The following PRDM5 variants were observed in gnomAD, a reference collection of about 807,000 sequenced individuals.
PRDM5 encodes the protein PR domain zinc finger protein 5.
PRDM5 carries 56 observed loss-of-function variants against 81.2 expected under a neutral mutation model. The observed-to-expected ratio is 0.69, with a 90% CI of 0.56 to 0.86. The LOEUF (loss-of-function observed/expected upper bound fraction) is 0.86. Among genes scored for constraint, PRDM5 ranks in the 40% least tolerant of loss-of-function variants. The pLI is 0.00. For synonymous variants in PRDM5, 267 were observed against 256.4 expected (o/e 1.04, Z -0.39); for missense variants, 697 against 770.1 (o/e 0.91, Z 1.12).
At chr4:120,733,953 G>A (rs765070413) in intron 14 of PRDM5, among the ~76,000 whole-genome samples, 14 of 151,334 alleles carry the variant, frequency 9.3e-5, no homozygotes, top group Non-Finnish European at 1.9e-4. Flanking sequence ...AAAGTATGCC[G>A]ATGGCAGAGG....
chr4:120,702,994 C>G (rs190329420), intron 15 of PRDM5, among the ~76,000 whole-genome samples: 1 of 152,158 alleles, frequency 6.6e-6, no homozygotes, highest in Non-Finnish European at 1.5e-5. Flanking sequence ...CTCCACCAGC[C>G]TTCTCTTTCC....
At chr4:120,851,298 T>G (rs1578985935) in intron 3 of PRDM5, among the ~76,000 whole-genome samples, 1 of 152,072 alleles carries the variant, frequency 6.6e-6, no homozygotes, top group East Asian at 1.9e-4. Flanking sequence ...TTAAGGTAAA[T>G]TCATGGCTCT....
At chr4:120,821,473 T>C (rs1755266130) in intron 3 of PRDM5, 128 bp from the exon 4 acceptor site, 1 of 871,212 alleles carries the variant, frequency 1.1e-6, no homozygotes, top group African/African-American at 1.7e-5. Flanking sequence ...TATTTCTAGT[T>C]GATCTGGGTG....
In PRDM5 at chr4:120,732,992, T is replaced by C. The variant is rs141187198; in HGVS notation, c.1623+21561A>G. ...CATTGTATTTTGTTCTAGCTAGTAA[T>C]AGCAAATACCTACAGCCTTAGCAAT... On this transcript the variant is annotated intron_variant, in intron 14 of 15. Coordinates refer to ENST00000264808, the MANE Select transcript of PRDM5 (RefSeq NM_018699.4). 1.7e-3 allele frequency among the ~76,000 whole-genome samples: 256 copies of C among 152,332 alleles called. 1 individual carries two copies. Among genetic ancestry groups the C allele is most frequent in the South Asian group, 0.011 (51 of 4,830 alleles).
At chr4:120,850,827 A>C (rs1190421758) in intron 3 of PRDM5, among the ~76,000 whole-genome samples, 1 of 152,172 alleles carries the variant, frequency 6.6e-6, no homozygotes, top group African/African-American at 2.4e-5. Context: ...ATAGAGGAAG[A>C]AAAGTACTGC....
intron 14 of PRDM5, among the ~76,000 whole-genome samples, chr4:120,738,262 C>T (rs1741405792): frequency 6.6e-6 from 1 of 152,138 alleles, no homozygotes; most frequent in African/African-American, 2.4e-5. Flanking sequence ...ATTCTGATTA[C>T]AGTAGTACTG....
intron 14 of PRDM5, among the ~76,000 whole-genome samples, chr4:120,740,027 A>C (rs1250572557): frequency 6.6e-6 from 1 of 152,150 alleles, no homozygotes; most frequent in Non-Finnish European, 1.5e-5. Context: ...TACAAAAGAA[A>C]ATGCCTTATT....
rs1197354315 is a variant in PRDM5, at chr4:120,816,520, A to G, written c.798T>C (p.Ala266=). ...TCTTCAGCCTCTTTCCACAGCTGTC[A>G]GCCTTGCACACAAACCTGGCATCCC... is the stretch of plus-strand genomic sequence containing the variant. ...CRGDARFVCK[A]DSCGKRLKSK... The change falls in exon 7 of 16, where the codon GCT becomes GCC. Residue 266 remains alanine, a synonymous_variant. Coordinates refer to ENST00000264808, the MANE Select transcript of PRDM5 (RefSeq NM_018699.4). 1 of 1,614,166 alleles carries G rather than the reference A, an allele frequency of 6.2e-7. No homozygotes were observed. Among genetic ancestry groups the G allele is most frequent in the Non-Finnish European group, 8.5e-7 (1 of 1,180,034 alleles).
chr4:120,783,607 C>A (rs1749350387), intron 11 of PRDM5, among the ~76,000 whole-genome samples: 1 of 152,108 alleles, frequency 6.6e-6, no homozygotes, highest in African/African-American at 2.4e-5. Flanking sequence ...TTCTAACATT[C>A]ATTCATCTCA....
At chr4:120,754,714 A>C (rs1028898507) in intron 13 of PRDM5, 76 bp from the exon 14 acceptor site, 2 of 1,043,924 alleles carry the variant, frequency 1.9e-6, no homozygotes, top group Non-Finnish European at 1.5e-6. Flanking sequence ...CTTCTCACAC[A>C]CTCAGATCCT....
intron 1 of PRDM5, among the ~76,000 whole-genome samples, chr4:120,909,261 A>G (rs1418693720): frequency 6.6e-6 from 1 of 152,168 alleles, no homozygotes; most frequent in Admixed American, 6.5e-5. Flanking sequence ...AGACAGCTGC[A>G]TGGTCCACTG....
intron 7 of PRDM5, 42 bp downstream of exon 7, chr4:120,816,411 A>T (rs1341908854): frequency 1.2e-6 from 2 of 1,613,914 alleles, no homozygotes; most frequent in East Asian, 4.5e-5. Context: ...CAGCCTGGGG[A>T]AAGGAAGCCC....
chr4:120,823,899 C>T (rs1478631294), intron 3 of PRDM5, among the ~76,000 whole-genome samples: 2 of 152,164 alleles, frequency 1.3e-5, no homozygotes, highest in South Asian at 2.1e-4. Flanking sequence ...GGCTTAGTGC[C>T]GTTCTCAGTA....
At chr4:120,723,327 A>G (rs1267470385) in intron 14 of PRDM5, among the ~76,000 whole-genome samples, 1 of 152,240 alleles carries the variant, frequency 6.6e-6, no homozygotes, top group Non-Finnish European at 1.5e-5. Flanking sequence ...GAATTCTGAG[A>G]ACAACGTACT....
chr4:120,782,842 T>C (rs1266911645), intron 11 of PRDM5, among the ~76,000 whole-genome samples: 2 of 152,130 alleles, frequency 1.3e-5, no homozygotes, highest in Non-Finnish European at 2.9e-5. Context: ...AGATTGTTCC[T>C]ATCAAAGCAT....
In PRDM5 at chr4:120,799,846, T is replaced by A. The variant is rs72921557; in HGVS notation, c.946-101A>T. On this transcript the variant is annotated intron_variant, in intron 8 of 15. Transcript: ENST00000264808. ...AACATGTGAACAGCTGCCACTGCAA[T>A]ACCCAAACTATATATTACAATTCAG... 2.0e-6 allele frequency: 3 copies of A among 1,526,234 alleles called. No individual in the cohort carries two copies. In the Admixed American group the frequency reaches 6.1e-5, roughly 31 times the overall value. 94.5% of individuals were successfully genotyped at this position (1,526,234 alleles called of 1,614,324 possible).
intron 14 of PRDM5, among the ~76,000 whole-genome samples, chr4:120,749,640 T>C (rs1743676203): frequency 6.6e-6 from 1 of 152,186 alleles, no homozygotes; most frequent in African/African-American, 2.4e-5. Flanking sequence ...GGGAGACACC[T>C]GCCACGTCCC....
chr4:120,748,108 C>T (rs1743413442), intron 14 of PRDM5, among the ~76,000 whole-genome samples: 1 of 152,186 alleles, frequency 6.6e-6, no homozygotes, highest in Non-Finnish European at 1.5e-5. Context: ...TCTATAATTT[C>T]CAGATGATCC....
At chr4:120,702,690 T>A (rs921175516) in intron 15 of PRDM5, among the ~76,000 whole-genome samples, 1 of 152,170 alleles carries the variant, frequency 6.6e-6, no homozygotes, top group African/African-American at 2.4e-5. Flanking sequence ...CCTGGAGAAA[T>A]TGAAGAAAGT....
Sources: allele counts gnomAD v4.1 joint callset (sites outside exome capture counted in the v4.1 genomes callset), GRCh38; gene constraint gnomAD v4.1.1; transcripts MANE v1.5; gene names NCBI Gene and HGNC (gene_info 2026-07-23, HGNC 2026-07-21).